PAPPA2: variants seen among roughly 807,000 people sequenced by gnomAD.
PAPPA2 encodes the protein pappalysin-2.
PAPPA2 carries 86 observed loss-of-function variants against 176.4 expected under a neutral mutation model. The ratio of observed to expected loss-of-function variants is 0.49; its 90% CI spans 0.41 to 0.58. PAPPA2 has a LOEUF of 0.58. Among genes scored for constraint, PAPPA2 ranks in the 20% least tolerant of loss-of-function variants. The pLI is 0.00. For missense variants in PAPPA2, 2,073 were observed against 2,256.9 expected (o/e 0.92, Z 1.65); for synonymous variants, 809 against 852.2 (o/e 0.95, Z 0.88).
intron 12 of PAPPA2, among the ~76,000 whole-genome samples, chr1:176,723,439 A>G (rs1661717106): frequency 6.6e-6 from 1 of 151,260 alleles, no homozygotes; most frequent in Non-Finnish European, 1.5e-5. Flanking sequence ...ATACAACACC[A>G]AATAATTTAG....
chr1:176,600,675 C>CAA (rs749068016), intron 3 of PAPPA2, among the ~76,000 whole-genome samples: 8,674 of 80,262 alleles, frequency 0.11, 495 homozygotes, highest in Non-Finnish European at 0.12. Context: ...GACTCCGTCT[C>CAA]AAAAAAAAAA....
At chr1:176,786,711 C>A (rs1359606880) in intron 17 of PAPPA2, among the ~76,000 whole-genome samples, 16 of 152,156 alleles carry the variant, frequency 1.1e-4, no homozygotes, top group Admixed American at 1.0e-3. Flanking sequence ...TGTGAGCAAA[C>A]CTGGGTCTGC....
At chr1:176,469,758 G>C (rs1373168199) in intron 1 of PAPPA2, among the ~76,000 whole-genome samples, 2 of 152,114 alleles carry the variant, frequency 1.3e-5, no homozygotes, top group African/African-American at 4.8e-5. Context: ...TCACACCCCT[G>C]CTCCCTCCTT....
intron 1 of PAPPA2, among the ~76,000 whole-genome samples, chr1:176,480,164 A>G (rs1481218991): frequency 6.6e-6 from 1 of 152,020 alleles, no homozygotes; most frequent in Admixed American, 6.5e-5. Context: ...TGCAGTCCAC[A>G]CCTACCTCTC....
intron 3 of PAPPA2, 119 bp downstream of exon 3, chr1:176,595,714 C>A: frequency 1.0e-6 from 1 of 969,904 alleles, no homozygotes; most frequent in Non-Finnish European, 1.5e-6. Context: ...TTAATCCACC[C>A]CATCAGACAG....
intron 21 of PAPPA2, among the ~76,000 whole-genome samples, chr1:176,820,702 C>T (rs1329372178): frequency 6.6e-6 from 1 of 152,134 alleles, no homozygotes. Flanking sequence ...CCTACACCCA[C>T]AGCATGTGCA....
In PAPPA2 at chr1:176,816,630, TG is replaced by T. The variant is rs373171578; in HGVS notation, c.5202+16499del. ...TTTTTTTATGAGTTCATGCCTTTTTTGTTCCTTTTTTATACTAATATTTTAG... is the reference window on the plus strand; with the variant it reads ...TTTTTTTATGAGTTCATGCCTTTTTTTTCCTTTTTTATACTAATATTTTAG... On this transcript the variant is annotated intron_variant, in intron 21 of 22. Coordinates refer to ENST00000367662, the MANE Select transcript of PAPPA2 (RefSeq NM_020318.3). Among the ~76,000 whole-genome samples, 46 of 152,230 alleles carry T rather than the reference TG, an allele frequency of 3.0e-4. No individual in the cohort carries two copies. In the East Asian group the frequency reaches 7.1e-3, roughly 24 times the overall value.
chr1:176,528,142 A>G (rs369804147), intron 1 of PAPPA2, among the ~76,000 whole-genome samples: 163 of 152,116 alleles, frequency 1.1e-3, no homozygotes, highest in Admixed American at 4.9e-3. Flanking sequence ...GCTGCATTCA[A>G]TTGGACTGCA....
At chr1:176,756,567 A>G (rs1195354757) in intron 14 of PAPPA2, among the ~76,000 whole-genome samples, 1 of 152,210 alleles carries the variant, frequency 6.6e-6, no homozygotes, top group Admixed American at 6.5e-5. Context: ...TTTCTTTGGT[A>G]TTCCAGAGAT....
intron 21 of PAPPA2, among the ~76,000 whole-genome samples, chr1:176,819,378 G>A (rs533907468): frequency 6.6e-6 from 1 of 152,092 alleles, no homozygotes; most frequent in Non-Finnish European, 1.5e-5. Context: ...GGGACTCTGG[G>A]GATGAGGAAG....
chr1:176,595,552 G>A lies in PAPPA2; in HGVS notation c.1948G>A (p.Ala650Thr), dbSNP rs376019157. The A allele has an allele frequency of 6.2e-7, 1 of 1,613,994 alleles. No homozygotes were observed. Residue 650 changes from alanine (A) to threonine (T), a missense_variant, in exon 3 of 23, where the codon GCT (alanine) becomes ACT (threonine). By Grantham distance (58) the Ala-to-Thr change is moderately conservative. This residue lies in a region of PAPPA2 where 1,196 missense variants were observed against 1,330.4 expected (regional missense o/e 0.90). Transcript: ENST00000367662. ...DDGDCCDPQVADVRKTCFDPD... is the reference protein window; with the variant it reads ...DDGDCCDPQVTDVRKTCFDPD... ...CGGAGACTGCTGCGACCCCCAGGTG[G>A]CTGATGTGCGCAAGACCTGCTTTGA...
intron 1 of PAPPA2, among the ~76,000 whole-genome samples, chr1:176,513,336 A>AT (rs1208779102): frequency 6.6e-6 from 1 of 151,904 alleles, no homozygotes; most frequent in African/African-American, 2.4e-5. Context: ...ATTGTTAATA[A>AT]TTTTTTCTTT....
rs142488911 is a variant in PAPPA2 at position 176,467,450 on chromosome 1, T to A, written c.-917+4032T>A. ...AGAATAGCACTTGCCTTGTGGGAGGTCAGCTTCAGCTTCCCCATCTGAACT... is the reference window on the plus strand; with the variant it reads ...AGAATAGCACTTGCCTTGTGGGAGGACAGCTTCAGCTTCCCCATCTGAACT... On this transcript the variant is annotated intron_variant, in intron 1 of 22. Transcript: ENST00000367662. Among the ~76,000 whole-genome samples, 4 of 152,236 alleles carry A rather than the reference T, an allele frequency of 2.6e-5. No individual in the cohort carries two copies. In the South Asian group the frequency reaches 8.3e-4, roughly 32 times the overall value.
chr1:176,528,675 C>T (rs1649626900), intron 1 of PAPPA2, among the ~76,000 whole-genome samples: 1 of 152,180 alleles, frequency 6.6e-6, no homozygotes, highest in African/African-American at 2.4e-5. Flanking sequence ...AATTTCCCTT[C>T]CCTCCAGTCC....
chr1:176,528,143 T>G (rs982992497), intron 1 of PAPPA2, among the ~76,000 whole-genome samples: 1 of 152,142 alleles, frequency 6.6e-6, no homozygotes, highest in South Asian at 2.1e-4. Context: ...CTGCATTCAA[T>G]TGGACTGCAT....
intron 1 of PAPPA2, among the ~76,000 whole-genome samples, chr1:176,531,788 G>A (rs1347547503): frequency 6.6e-6 from 1 of 152,168 alleles, no homozygotes; most frequent in Non-Finnish European, 1.5e-5. Context: ...AAACAGATCA[G>A]TTAAAAAATT....
At chr1:176,731,041 G>A (rs1012102834) in intron 12 of PAPPA2, among the ~76,000 whole-genome samples, 1 of 151,986 alleles carries the variant, frequency 6.6e-6, no homozygotes, top group Non-Finnish European at 1.5e-5. Context: ...AGGTAAAAAT[G>A]TGTGCCCAGT....
chr1:176,545,231 G>A (rs185892903), intron 1 of PAPPA2, among the ~76,000 whole-genome samples: 47 of 152,058 alleles, frequency 3.1e-4, no homozygotes, highest in African/African-American at 1.1e-3. Flanking sequence ...ATAAGCTCAG[G>A]TGTGATTGAA....
At chr1:176,567,291 T>C (rs1652045518) in intron 2 of PAPPA2, among the ~76,000 whole-genome samples, 1 of 152,160 alleles carries the variant, frequency 6.6e-6, no homozygotes, top group African/African-American at 2.4e-5. Context: ...AAATATAAAA[T>C]GTGGAAACTG....
Sources: allele counts gnomAD v4.1 joint callset (sites outside exome capture counted in the v4.1 genomes callset), GRCh38; gene constraint gnomAD v4.1.1; regional missense constraint gnomAD v4.1.1; transcripts MANE v1.5; gene names NCBI Gene and HGNC (gene_info 2026-07-23, HGNC 2026-07-21).